The following OR1J2 variants were observed in gnomAD, a reference collection of about 807,000 sequenced individuals.
The protein encoded by OR1J2 is olfactory receptor 1J2.
For missense variants in OR1J2, 304 were observed against 246.1 expected (o/e 1.24, Z -1.57); for synonymous variants, 142 against 99.7 (o/e 1.42, Z -2.52).
the OR1J2 span, among the ~76,000 whole-genome samples, chr9:122,569,199 T>G: frequency 6.6e-6 from 1 of 152,212 alleles, no homozygotes; most frequent in Non-Finnish European, 1.5e-5. Context: ...GCTATCATCA[T>G]TAGTTTGCAC....
At chr9:122,518,878 G>A in the OR1J2 span, among the ~76,000 whole-genome samples, 7 of 152,316 alleles carry the variant, frequency 4.6e-5, no homozygotes, top group African/African-American at 1.4e-4. Context: ...CTAATACGGT[G>A]TGAAGCTTTC....
At chr9:122,475,654 G>A in the OR1J2 span, 3 of 152,050 alleles carry the variant, frequency 2.0e-5, no homozygotes, top group Non-Finnish European at 4.4e-5. Context: ...TCTTCATTTT[G>A]TGTGTCACAA....
chr9:122,565,137 G>GA, the OR1J2 span, among the ~76,000 whole-genome samples: 2 of 152,180 alleles, frequency 1.3e-5, no homozygotes, highest in African/African-American at 2.4e-5. Context: ...ACACCCAAGA[G>GA]AGAGGCACTA....
chr9:122,540,362 T>C, the OR1J2 span, among the ~76,000 whole-genome samples: 2 of 152,244 alleles, frequency 1.3e-5, no homozygotes, highest in Non-Finnish European at 2.9e-5. Flanking sequence ...GCACCATTTA[T>C]TAAATAGGGA....
the OR1J2 span, among the ~76,000 whole-genome samples, chr9:122,480,355 T>C: frequency 6.6e-6 from 1 of 152,194 alleles, no homozygotes; most frequent in Non-Finnish European, 1.5e-5. Context: ...GGAAGTTGGC[T>C]ATCAATAAAG....
the OR1J2 span, among the ~76,000 whole-genome samples, chr9:122,530,311 G>A: frequency 1.1e-4 from 16 of 152,190 alleles, no homozygotes; most frequent in South Asian, 2.1e-4. Flanking sequence ...GACTTTTGAA[G>A]TTTTTTATGT....
At chr9:122,460,739 A>G in the OR1J2 span, among the ~76,000 whole-genome samples, 1 of 152,082 alleles carries the variant, frequency 6.6e-6, no homozygotes, top group Admixed American at 6.6e-5. Flanking sequence ...TCTCATGAAC[A>G]TGGGATGTGT....
chr9:122,558,083 G>A, the OR1J2 span, among the ~76,000 whole-genome samples: 46,595 of 151,374 alleles, frequency 0.31, 8,030 homozygotes, highest in East Asian at 0.81. Flanking sequence ...TTAGTAACTT[G>A]TGTCTTCTTT....
chr9:122,473,030 T>C, the OR1J2 span, among the ~76,000 whole-genome samples: 9 of 152,246 alleles, frequency 5.9e-5, no homozygotes, highest in Non-Finnish European at 1.2e-4. Context: ...GACTTCTATA[T>C]ACCCTTTCCT....
upstream of OR1J2, among the ~76,000 whole-genome samples, chr9:122,509,742 A>G (rs1324951084): frequency 6.6e-6 from 1 of 152,224 alleles, no homozygotes. Flanking sequence ...TTTAAGCCAT[A>G]TTAAGGTTGT....
the OR1J2 span, among the ~76,000 whole-genome samples, chr9:122,521,310 A>G: frequency 3.9e-4 from 60 of 152,178 alleles, 1 homozygote; most frequent in African/African-American, 1.4e-3. Context: ...TGTTGGTTAT[A>G]TTCCCAATTC....
chr9:122,561,367 G>C, the OR1J2 span, among the ~76,000 whole-genome samples: 1 of 152,146 alleles, frequency 6.6e-6, no homozygotes, highest in Non-Finnish European at 1.5e-5. Context: ...CCTCCATCCA[G>C]TTCACGCCCT....
At chr9:122,469,910 G>A in the OR1J2 span, among the ~76,000 whole-genome samples, 1 of 152,182 alleles carries the variant, frequency 6.6e-6, no homozygotes, top group Admixed American at 6.5e-5. Context: ...CCTGGCAGAA[G>A]AAATTTGTAA....
chr9:122,532,297 T>C, the OR1J2 span, among the ~76,000 whole-genome samples: 1 of 152,058 alleles, frequency 6.6e-6, no homozygotes, highest in Admixed American at 6.5e-5. Flanking sequence ...GGAAAGGAAA[T>C]GAGAGGTTCT....
chr9:122,578,331 C>T, the OR1J2 span: 1 of 151,982 alleles, frequency 6.6e-6, no homozygotes, highest in East Asian at 1.9e-4. Flanking sequence ...CACCTGTAAT[C>T]CCAGATACTC....
At chr9:122,575,161 A>T in the OR1J2 span, among the ~76,000 whole-genome samples, 3 of 152,046 alleles carry the variant, frequency 2.0e-5, no homozygotes, top group African/African-American at 7.2e-5. Context: ...TAGTTTTCTT[A>T]TAATGTCTTT....
At chr9:122,568,566 G>T in the OR1J2 span, 2 of 782,052 alleles carry the variant, frequency 2.6e-6, no homozygotes, top group African/African-American at 1.7e-5. Flanking sequence ...GCAAGTCTTT[G>T]TTTCTTCTGT....
At chr9:122,548,949 C>T in the OR1J2 span, among the ~76,000 whole-genome samples, 1,055 of 152,082 alleles carry the variant, frequency 6.9e-3, 12 homozygotes, top group African/African-American at 0.025. Flanking sequence ...ATTTCTTTTG[C>T]TGTGCAGAAG....
chr9:122,535,933 T>TG, the OR1J2 span, among the ~76,000 whole-genome samples: 1 of 151,268 alleles, frequency 6.6e-6, no homozygotes, highest in Non-Finnish European at 1.5e-5. Flanking sequence ...CGGGCAGGAG[T>TG]GGGGGTCACA....
Sources: gnomAD v4.1 joint callset for allele counts (sites outside exome capture counted in the v4.1 genomes callset) on GRCh38, gnomAD v4.1.1 for gene constraint, MANE v1.5 for transcripts, NCBI Gene and HGNC (gene_info 2026-07-23, HGNC 2026-07-21) for gene names.